RASA3: variants seen among roughly 807,000 people sequenced by gnomAD.
RASA3 encodes ras GTPase-activating protein 3.
RASA3 carries 73 observed loss-of-function variants against 110.0 expected under a neutral mutation model. The observed-to-expected ratio is 0.66, with a 90% CI of 0.55 to 0.81. The LOEUF is 0.81. RASA3 is among the 30% of genes least tolerant of loss of function. RASA3 has a pLI of 0.00. For missense variants in RASA3, 976 were observed against 1,113.2 expected (o/e 0.88, Z 1.75); for synonymous variants, 500 against 451.4 (o/e 1.11, Z -1.37).
chr13:114,125,509 G>C (rs2080434091), intron 1 of RASA3, among the ~76,000 whole-genome samples: 1 of 152,144 alleles, frequency 6.6e-6, no homozygotes, highest in South Asian at 2.1e-4. Flanking sequence ...CAGCACCAAG[G>C]GGATAGCGCT....
chr13:114,099,409 G>A (rs1173320276), intron 1 of RASA3, among the ~76,000 whole-genome samples: 1 of 151,836 alleles, frequency 6.6e-6, no homozygotes, highest in Non-Finnish European at 1.5e-5. Flanking sequence ...TGGGTGCTGG[G>A]TCGGGGAGGG....
Position 114,100,688 on chromosome 13 carries a change from C to T in RASA3, c.56-26851G>A, listed in dbSNP as rs533141010. Among the ~76,000 whole-genome samples, 250 of 152,314 alleles carry T rather than the reference C, an allele frequency of 1.6e-3. 1 individual carries two copies. The highest frequency in any genetic ancestry group is 3.1e-3 in the Non-Finnish European group (208 of 68,030). ...GACACCTGGGCAAACAGCCTCAACT[C>T]GGAAAATCCCAGGCTGGTTCGGTCT... is the stretch of plus-strand genomic sequence containing the variant. On this transcript the variant is annotated intron_variant, in intron 1 of 23. Coordinates refer to ENST00000334062, the MANE Select transcript of RASA3 (RefSeq NM_007368.4).
chr13:114,012,003 G>A (rs557851733), intron 15 of RASA3, among the ~76,000 whole-genome samples: 3 of 152,102 alleles, frequency 2.0e-5, no homozygotes, highest in South Asian at 2.1e-4. Context: ...CCACCCGCAC[G>A]TGCAACACGG....
At chr13:114,045,720 C>T (rs1020620871) in intron 3 of RASA3, among the ~76,000 whole-genome samples, 9 of 152,190 alleles carry the variant, frequency 5.9e-5, no homozygotes, top group African/African-American at 1.7e-4. Context: ...ACGTCGACTG[C>T]GTTTGTACAT....
intron 21 of RASA3, among the ~76,000 whole-genome samples, chr13:113,996,277 G>A (rs543422858): frequency 1.5e-4 from 23 of 152,302 alleles, no homozygotes; most frequent in African/African-American, 5.5e-4. Context: ...CGCTCCCCCG[G>A]GGCAGGGCCT....
chr13:114,071,062 C>T (rs1376696850), intron 2 of RASA3, among the ~76,000 whole-genome samples: 1 of 152,284 alleles, frequency 6.6e-6, no homozygotes, highest in South Asian at 2.1e-4. Context: ...CAGTTTTACT[C>T]TCTTGGAACT....
chr13:114,095,584 G>A (rs1043117706), intron 1 of RASA3, among the ~76,000 whole-genome samples: 1 of 152,152 alleles, frequency 6.6e-6, no homozygotes, highest in Non-Finnish European at 1.5e-5. Context: ...TCCTGCGGCT[G>A]ATTAATGGAG....
At chr13:114,044,510 TCCCCCGCCGCCTCACTCGCTGAGC>T (rs1566522215) in intron 3 of RASA3, among the ~76,000 whole-genome samples, 1 of 1,586 alleles carries the variant, frequency 6.3e-4, no homozygotes, top group Admixed American at 0.012. Context: ...CTCGCTGAGC[TCCCCCGCCGCCTCACTCGCTGAGC>T]CCCCCGCCCT....
At position 114,096,764 on chromosome 13, in the gene RASA3, C is replaced by T. The variant is rs761115665; in HGVS notation, c.56-22927G>A. ...CACTCAACAGCTCTCCAGCACCCAC[C>T]GAATGAAGCACTGACCCTTCAGCCA... On this transcript the variant is annotated intron_variant, in intron 1 of 23. Coordinates refer to ENST00000334062, the MANE Select transcript of RASA3 (RefSeq NM_007368.4). The surrounding 1 kb of genome is among the most constrained non-coding windows in gnomAD (Gnocchi z 5.1). Among the ~76,000 whole-genome samples, 6 of 152,094 alleles carry T rather than the reference C, an allele frequency of 3.9e-5. No homozygotes were observed. Among genetic ancestry groups the T allele is most frequent in the Admixed American group, 6.5e-5 (1 of 15,280 alleles).
In RASA3 at chr13:114,114,059, C is replaced by T. The variant is rs1469530551; in HGVS notation, c.55+18376G>A. Among the ~76,000 whole-genome samples, 1 of 152,228 alleles carries T rather than the reference C, an allele frequency of 6.6e-6. No homozygotes were observed. Among genetic ancestry groups the T allele is most frequent in the Non-Finnish European group, 1.5e-5 (1 of 68,036 alleles). ...GATGTCCGTATAGCTCACACCGCATCCATCAATCCACCCACCACAGCAAGT... is the reference window on the plus strand; with the variant it reads ...GATGTCCGTATAGCTCACACCGCATTCATCAATCCACCCACCACAGCAAGT... On this transcript the variant is annotated intron_variant, in intron 1 of 23. Transcript: ENST00000334062. This position sits in a 1 kb window ranked among gnomAD's most constrained non-coding sequence, Gnocchi z 4.8.
At chr13:114,028,652 T>TG (rs139038195) in intron 5 of RASA3, among the ~76,000 whole-genome samples, 5 of 114,128 alleles carry the variant, frequency 4.4e-5, no homozygotes, top group African/African-American at 6.8e-5. Flanking sequence ...AGCATCATCC[T>TG]GGGGCCAGGA....
Position 114,030,447 on chromosome 13 carries a change from G to A in RASA3, c.373-560C>T, listed in dbSNP as rs28532076. Among the ~76,000 whole-genome samples the A allele has an allele frequency of 6.5e-3, 612 of 94,444 alleles. 13 individuals are homozygous for A. Among genetic ancestry groups the A allele is most frequent in the African/African-American group, 0.019 (442 of 23,138 alleles). The allele number at this position is 94,444 out of a possible 152,430, so 62.0% of individuals were successfully genotyped here. ...ACACAGAGGGCAAGGCTCACACAGA[G>A]GGCAAGGCTCACACAGAGGGCAAGG... On this transcript the variant is annotated intron_variant, in intron 4 of 23. Coordinates refer to ENST00000334062, the MANE Select transcript of RASA3 (RefSeq NM_007368.4).
At chr13:114,047,320 G>A (rs757532869) in intron 3 of RASA3, among the ~76,000 whole-genome samples, 6 of 152,162 alleles carry the variant, frequency 3.9e-5, no homozygotes, top group East Asian at 1.9e-4. Context: ...CACTCTTCAC[G>A]GACACGCAAT....
At chr13:114,051,256 C>T (rs749205912) in intron 3 of RASA3, among the ~76,000 whole-genome samples, 1 of 152,222 alleles carries the variant, frequency 6.6e-6, no homozygotes, top group Non-Finnish European at 1.5e-5. Context: ...CTGTGGCAGC[C>T]AGTACACACT....
chr13:114,009,789 G>A (rs1397269751), intron 16 of RASA3, among the ~76,000 whole-genome samples: 1 of 152,348 alleles, frequency 6.6e-6, no homozygotes, highest in African/African-American at 2.4e-5. Context: ...GGGCCCAGAT[G>A]TGGCTGCCTG....
intron 22 of RASA3, among the ~76,000 whole-genome samples, chr13:113,992,071 CAT>C (rs1168995008): frequency 2.6e-5 from 4 of 152,122 alleles, no homozygotes; most frequent in Non-Finnish European, 4.4e-5. Flanking sequence ...CACGCTCACA[CAT>C]GTCCACATTC....
intron 12 of RASA3, 139 bp downstream of exon 12, chr13:114,017,098 C>T (rs1357819795): frequency 4.2e-6 from 3 of 720,068 alleles, no homozygotes; most frequent in Non-Finnish European, 7.4e-6. Flanking sequence ...GTGAATGAAT[C>T]AGCATCCCCG....
At chr13:114,069,106 G>A (rs2079508479) in intron 2 of RASA3, among the ~76,000 whole-genome samples, 1 of 152,166 alleles carries the variant, frequency 6.6e-6, no homozygotes, top group Non-Finnish European at 1.5e-5. Flanking sequence ...AGGTGGAGCT[G>A]GGTCGGTGAC....
intron 17 of RASA3, 88 bp downstream of exon 17, chr13:114,009,299 T>C: frequency 9.3e-7 from 1 of 1,074,110 alleles, no homozygotes; most frequent in South Asian, 1.3e-5. Context: ...GCCAAGTCTG[T>C]GTCATGTGGG....
Sources: gnomAD v4.1 joint callset for allele counts (sites outside exome capture counted in the v4.1 genomes callset) on GRCh38, gnomAD v4.1.1 for gene constraint, Gnocchi (gnomAD v3.1) non-coding constraint, MANE v1.5 for transcripts, NCBI Gene and HGNC (gene_info 2026-07-23, HGNC 2026-07-21) for gene names.